The following HMCN1 variants were observed in gnomAD, a reference collection of about 807,000 sequenced individuals.
HMCN1 encodes hemicentin-1.
Under a neutral mutation model 625.9 loss-of-function variants are expected in HMCN1, and 321 were observed. The ratio of observed to expected loss-of-function variants is 0.51; its 90% confidence interval spans 0.47 to 0.56. The LOEUF (loss-of-function observed/expected upper bound fraction) is 0.56. Among genes scored for constraint, HMCN1 ranks in the 20% least tolerant of loss-of-function variants. The probability of loss-of-function intolerance (pLI) is 0.00; values close to 1 mark genes in which losing one functional copy is unlikely to be tolerated. For missense variants in HMCN1, 6,588 were observed against 6,887.3 expected (o/e 0.96, Z 1.54); for synonymous variants, 2,425 against 2,417.6 (o/e 1.00, Z -0.09).
chr1:185,933,758 G>C lies in HMCN1; in HGVS notation c.1762G>C (p.Glu588Gln). Residue 588 changes from glutamate (E) to glutamine (Q), a missense_variant, in exon 11 of 107, where the codon GAG becomes CAG. Coordinates refer to ENST00000271588, the MANE Select transcript of HMCN1 (RefSeq NM_031935.3). ...GAGTGTGAAATTCAACGATGCTGGA[G>C]AGTATCATTGTATGGTTTCTAGTGA... ...LKSVKFNDAG[E>Q]YHCMVSSEGG... 2 of 1,613,608 alleles carry C rather than the reference G, an allele frequency of 1.2e-6. No individual in the cohort carries two copies.
chr1:185,894,360 T>C (rs1484665306), intron 4 of HMCN1, among the ~76,000 whole-genome samples: 2 of 152,194 alleles, frequency 1.3e-5, no homozygotes, highest in African/African-American at 4.8e-5. Flanking sequence ...TATTCTATTT[T>C]ATGAATATAC....
chr1:185,843,167 ATGATCTC>A (rs1661590794), intron 1 of HMCN1, among the ~76,000 whole-genome samples: 1 of 152,234 alleles, frequency 6.6e-6, no homozygotes, highest in Non-Finnish European at 1.5e-5. Flanking sequence ...TAACGTAGGA[ATGATCTC>A]TGCATTTTGT....
intron 11 of HMCN1, among the ~76,000 whole-genome samples, chr1:185,946,560 A>T (rs573323526): frequency 6.6e-6 from 1 of 152,214 alleles, no homozygotes; most frequent in African/African-American, 2.4e-5. Flanking sequence ...GGAAATTGTT[A>T]TAAATCAGAT....
rs543766072 is a variant in HMCN1 at position 185,858,398 on chromosome 1, G to A, written c.340-6072G>A. On this transcript the variant is annotated intron_variant, in intron 2 of 106. Coordinates refer to ENST00000271588, the MANE Select transcript of HMCN1 (RefSeq NM_031935.3). ...GGTATTCAGGTCAAAATGAAACTGC[G>A]GCAGACGTTTAAAGGATTTATTTTA... 5.3e-5 allele frequency among the ~76,000 whole-genome samples: 8 copies of A among 151,588 alleles called. No individual in the cohort carries two copies. In the South Asian group the frequency reaches 6.3e-4, roughly 12 times the overall value.
At chr1:185,845,365 G>T (rs971955027) in intron 1 of HMCN1, among the ~76,000 whole-genome samples, 3 of 152,038 alleles carry the variant, frequency 2.0e-5, no homozygotes, top group Non-Finnish European at 4.4e-5. Context: ...CTACAGGCAT[G>T]TGCCACCATG....
At chr1:185,886,258 CAGAG>C (rs1350669250) in intron 4 of HMCN1, among the ~76,000 whole-genome samples, 1 of 149,890 alleles carries the variant, frequency 6.7e-6, no homozygotes, top group African/African-American at 2.4e-5. Context: ...AACAGAGAAA[CAGAG>C]AGACAGCAGA....
At position 186,039,888 on chromosome 1, in the gene HMCN1, A is replaced by C; in HGVS notation, c.6180+9A>C. ...TTTCTAATGGATTACAGGTACCTTC[A>C]TTCATTTCTTTGGTGACATTTACCA... On this transcript the variant is annotated intron_variant, in intron 39 of 106. Transcript: ENST00000271588. The C allele has an allele frequency of 6.2e-7, 1 of 1,612,508 alleles. No individual in the cohort carries two copies. Among genetic ancestry groups the C allele is most frequent in the Non-Finnish European group, 8.5e-7 (1 of 1,178,770 alleles).
chr1:185,911,250 A>G (rs570506274), intron 5 of HMCN1, among the ~76,000 whole-genome samples: 2 of 152,218 alleles, frequency 1.3e-5, no homozygotes, highest in South Asian at 4.1e-4. Context: ...TCTGCATAAC[A>G]TTTTTGGTAG....
At chr1:186,105,620 C>T (rs1660572574) in intron 69 of HMCN1, among the ~76,000 whole-genome samples, 1 of 152,160 alleles carries the variant, frequency 6.6e-6, no homozygotes, top group Non-Finnish European at 1.5e-5. Context: ...AATGCATGTC[C>T]ACCTCTGCAA....
At chr1:185,983,573 C>T (rs1651808402) in intron 18 of HMCN1, among the ~76,000 whole-genome samples, 2 of 152,162 alleles carry the variant, frequency 1.3e-5, no homozygotes, top group African/African-American at 4.8e-5. Flanking sequence ...TATTTGAGCA[C>T]ACAAGTATCT....
chr1:186,152,677 T>C, intron 95 of HMCN1, 73 bp from the exon 96 acceptor site: 1 of 1,588,518 alleles, frequency 6.3e-7, no homozygotes, highest in Non-Finnish European at 8.6e-7. Flanking sequence ...AACTGGTATG[T>C]AAGGTAAATC....
chr1:185,982,449 T>G lies in HMCN1; in HGVS notation c.2790+60T>G. 2.6e-6 allele frequency: 4 copies of G among 1,527,784 alleles called. 1 individual carries two copies. The highest frequency in any genetic ancestry group is 3.6e-6 in the Non-Finnish European group (4 of 1,110,968). 94.6% of individuals were successfully genotyped at this position (1,527,784 alleles called of 1,614,324 possible). ...TTTGTGAGTTTTCTTTTCTTTTTTT[T>G]TTTTTTTCTTTGAGACAGTTTCATT... On this transcript the variant is annotated intron_variant, in intron 18 of 106. Coordinates refer to ENST00000271588, the MANE Select transcript of HMCN1 (RefSeq NM_031935.3).
rs547413137 is a variant in HMCN1, at chr1:186,011,034, G to T, written c.4630+3752G>T. ...AATTGCAAATGTTCATCTGCTACTG[G>T]TTTTTTTTGTTTTTGTTTTTGCTTT... On this transcript the variant is annotated intron_variant, in intron 30 of 106. Coordinates refer to ENST00000271588, the MANE Select transcript of HMCN1 (RefSeq NM_031935.3). Among the ~76,000 whole-genome samples, 380 of 151,836 alleles carry T rather than the reference G, an allele frequency of 2.5e-3. 4 individuals carry two copies. Among genetic ancestry groups the T allele is most frequent in the Non-Finnish European group, 2.0e-3 (138 of 67,940 alleles).
At chr1:185,999,581 A>C (rs545100562) in intron 25 of HMCN1, among the ~76,000 whole-genome samples, 1 of 152,250 alleles carries the variant, frequency 6.6e-6, no homozygotes, top group Non-Finnish European at 1.5e-5. Context: ...CTTTTTAAAA[A>C]AGGGAATTAT....
At chr1:186,188,052 T>A in intron 106 of HMCN1, 43 bp downstream of exon 106, 1 of 1,611,232 alleles carries the variant, frequency 6.2e-7, no homozygotes, top group Admixed American at 1.7e-5. Context: ...TTGAAAATCC[T>A]TCCTCCCACT....
chr1:186,124,553 C>G (rs968242419), intron 81 of HMCN1, among the ~76,000 whole-genome samples: 11 of 151,944 alleles, frequency 7.2e-5, no homozygotes, highest in African/African-American at 2.2e-4. Flanking sequence ...TACGATGTAC[C>G]ATTGAGCAAA....
At chr1:185,938,393 G>A (rs1368252336) in intron 11 of HMCN1, among the ~76,000 whole-genome samples, 1 of 152,120 alleles carries the variant, frequency 6.6e-6, no homozygotes, top group African/African-American at 2.4e-5. Context: ...AATCAGATTT[G>A]TGTCTGACTT....
At chr1:186,119,637 C>G (rs141947330) in intron 78 of HMCN1, 108 bp from the exon 79 acceptor site, 4 of 1,135,706 alleles carry the variant, frequency 3.5e-6, no homozygotes, top group Admixed American at 1.9e-5. Context: ...AATCAAATCA[C>G]TAATATTTTA....
At position 186,078,025 on chromosome 1, in the gene HMCN1, T is replaced by G; in HGVS notation, c.8486-82T>G. 4 of 1,007,550 alleles carry G rather than the reference T, an allele frequency of 4.0e-6. No individual in the cohort carries two copies. In the South Asian group the frequency reaches 5.4e-5, roughly 14 times the overall value. The allele number at this position is 1,007,550 out of a possible 1,614,324, so 62.4% of individuals were successfully genotyped here. A position where few individuals can be genotyped will look rare whatever the true frequency, so the allele number is the denominator to read the frequency against. On this transcript the variant is annotated intron_variant, in intron 54 of 106. Transcript: ENST00000271588. ...TTGAAAGAAAATGTAAGGCAGTCAT[T>G]AGACCTGAAAATTTGTATCTGTTTA...
Sources: gnomAD v4.1 joint callset for allele counts (sites outside exome capture counted in the v4.1 genomes callset) on GRCh38, gnomAD v4.1.1 for gene constraint, MANE v1.5 for transcripts, NCBI Gene and HGNC (gene_info 2026-07-23, HGNC 2026-07-21) for gene names.